The following NUDT16L1 variants were observed in gnomAD, a reference collection of about 807,000 sequenced individuals.
The protein encoded by NUDT16L1 is nudix hydrolase 16 like 1.
NUDT16L1 carries 19 observed loss-of-function variants against 17.3 expected under a neutral mutation model. That is an observed-to-expected ratio of 1.10 (90% CI 0.77 to 1.61). NUDT16L1 has a LOEUF of 1.61. NUDT16L1 is among the 40% of genes most tolerant of loss of function. The pLI, the probability that NUDT16L1 is intolerant of heterozygous loss-of-function variation, is 0.00. For synonymous variants in NUDT16L1, 255 were observed against 138.6 expected (o/e 1.84, Z -5.90); for missense variants, 341 against 292.0 (o/e 1.17, Z -1.22).
Position 4,694,177 on chromosome 16 carries a change from C to T in NUDT16L1, c.353C>T (p.Thr118Met). The T allele has an allele frequency of 1.3e-6, 2 of 1,579,160 alleles. No homozygotes were observed. The highest frequency in any genetic ancestry group is 1.7e-6 in the Non-Finnish European group (2 of 1,171,648). The change falls in exon 2 of 3, where the codon ACG becomes ATG. Residue 118 changes from threonine (T) to methionine (M), a missense_variant. By Grantham distance (81) the Thr-to-Met change is moderately conservative. Coordinates refer to ENST00000304301, the Ensembl canonical transcript of NUDT16L1. ...GCGCACCTGTACGCGCGGCAGCTGA[C>T]GCTGGAGCAGCTGCACGCCGTGGAG...
At chr16:4,695,087 A>C in exon 3 of NUDT16L1, 1 of 1,613,630 alleles carries the variant, frequency 6.2e-7, no homozygotes, top group Non-Finnish European at 8.5e-7. Flanking sequence ...GGTGCTCAAC[A>C]TGATGCCCGA....
chr16:4,694,870 C>T (rs768291511), intron 2 of NUDT16L1, 88 bp from the exon 3 acceptor site: 46 of 1,508,940 alleles, frequency 3.0e-5, no homozygotes, highest in African/African-American at 4.2e-5. Context: ...GCTGCTCATA[C>T]CCTGGCCTCA....
At chr16:4,693,852 C>T (rs1424115883) in exon 1 of NUDT16L1, 1 of 1,558,032 alleles carries the variant, frequency 6.4e-7, no homozygotes, top group South Asian at 1.2e-5. Flanking sequence ...AGCTCTTCGG[C>T]CGCATCCCCA....
exon 3 of NUDT16L1, chr16:4,695,570 G>A (rs925611172): frequency 1.3e-5 from 6 of 452,460 alleles, no homozygotes; most frequent in African/African-American, 7.9e-5. Context: ...AGGATGCCTT[G>A]TCTCGGTCAG....
At chr16:4,694,262 C>T in intron 2 of NUDT16L1, 24 bp downstream of exon 2, 1 of 1,457,864 alleles carries the variant, frequency 6.9e-7, no homozygotes, top group Non-Finnish European at 9.0e-7. Context: ...CCGGGCCCCG[C>T]CCCCCGCCCC....
chr16:4,694,263 C>A (rs1209968681), intron 2 of NUDT16L1, 25 bp downstream of exon 2: 9 of 1,458,846 alleles, frequency 6.2e-6, no homozygotes, highest in African/African-American at 2.9e-5. Flanking sequence ...CGGGCCCCGC[C>A]CCCCGCCCCG....
In NUDT16L1 at chr16:4,695,023, C is replaced by T. The variant is rs143151090; in HGVS notation, c.480C>T (p.Phe160=). ...ACCGAGTCGGAGGCTTCCCCAACTT[C>T]CTGAGCAACGCCTTCGTGAGCACGG... The change falls in exon 3 of 3, where the codon TTC becomes TTT. Residue 160 remains phenylalanine (F), a synonymous_variant. Coordinates refer to ENST00000304301, the Ensembl canonical transcript of NUDT16L1. The T allele has an allele frequency of 1.0e-4, 161 of 1,613,160 alleles. No homozygotes were observed. The highest frequency in any genetic ancestry group is 1.3e-4 in the Non-Finnish European group (152 of 1,180,030).
chr16:4,694,453 G>GA, intron 2 of NUDT16L1: 1 of 1,525,372 alleles, frequency 6.6e-7, no homozygotes. Context: ...CCTCAGGGCT[G>GA]TGTTACATCC....
At chr16:4,693,631 C>T, upstream of NUDT16L1, 2 of 1,295,058 alleles carry the variant, frequency 1.5e-6, no homozygotes, top group Non-Finnish European at 2.0e-6. Context: ...GGAACCGGAC[C>T]CGGGGGCGCG....
rs756928802 is a variant in NUDT16L1, at chr16:4,694,966, C to T, written c.423C>T (p.Gly141=). The change falls in exon 3 of 3, where the codon GGC becomes GGT. Residue 141 remains glycine (G), a synonymous_variant. Transcript: ENST00000304301. The stretch of plus-strand genomic sequence containing the variant: ...ACCTCCTGTCTGCGCAGGTGCTGGG[C>T]CTCGTGCGGGTCCCGCTGTACACCC... 4 of 1,608,738 alleles carry T rather than the reference C, an allele frequency of 2.5e-6. No individual in the cohort carries two copies. The South Asian group carries it at 3.3e-5, about 13-fold the overall frequency.
At chr16:4,694,547 CT>C in intron 2 of NUDT16L1, 2 of 1,454,684 alleles carry the variant, frequency 1.4e-6, no homozygotes, top group Non-Finnish European at 1.8e-6. Flanking sequence ...GCGGGGATTG[CT>C]TGGGGAGTTG....
At chr16:4,693,569 C>T (rs964726875), upstream of NUDT16L1, 4 of 794,288 alleles carry the variant, frequency 5.0e-6, no homozygotes, top group African/African-American at 5.5e-5. Flanking sequence ...CTCGACGACG[C>T]ACCGCGGCGC....
rs1246684356 is a variant in NUDT16L1 at position 4,694,476 on chromosome 16, G to A, written c.414+238G>A. On this transcript the variant is annotated intron_variant, in intron 2 of 2. Transcript: ENST00000304301. ...CTGTGTTACATCCGCCTTGCTGCCT[G>A]CCATTGCCAATCCTGGGAGTGGGGG... 9 of 1,523,868 alleles carry A rather than the reference G, an allele frequency of 5.9e-6. No individual in the cohort carries two copies. The East Asian group carries it at 1.5e-4, about 25-fold the overall frequency. The allele number at this position is 1,523,868 out of a possible 1,614,324, so 94.4% of individuals were successfully genotyped here.
At chr16:4,694,597 C>A in intron 2 of NUDT16L1, 1 of 1,432,592 alleles carries the variant, frequency 7.0e-7, no homozygotes, top group African/African-American at 1.4e-5. Flanking sequence ...AACTTGGGAA[C>A]CTCATGTTGG....
At chr16:4,695,227 A>G in exon 3 of NUDT16L1, 1 of 1,578,674 alleles carries the variant, frequency 6.3e-7, no homozygotes, top group Non-Finnish European at 8.7e-7. Flanking sequence ...AAGACTGGGA[A>G]TTCCTGCTAA....
rs770709284 is a variant in NUDT16L1 at position 4,693,922 on chromosome 16, G to C, written c.153+43G>C. Reference sequence around the variant, plus strand: ...CGCGGGCGAGGGTGCCGGCGCGGGCGGGCCCGGGCGGGGGCGTCCGTCGAC... The same window carrying C: ...CGCGGGCGAGGGTGCCGGCGCGGGCCGGCCCGGGCGGGGGCGTCCGTCGAC... On this transcript the variant is annotated intron_variant, in intron 1 of 2. Transcript: ENST00000304301. 13 of 1,492,284 alleles carry C rather than the reference G, an allele frequency of 8.7e-6. No homozygotes were observed. In the East Asian group the frequency reaches 3.5e-4, roughly 41 times the overall value. 92.4% of individuals were successfully genotyped at this position (1,492,284 alleles called of 1,614,324 possible).
exon 3 of NUDT16L1, chr16:4,695,047 G>A (rs755900419): frequency 4.3e-6 from 7 of 1,613,328 alleles, no homozygotes; most frequent in East Asian, 2.2e-5. Context: ...TCGTGAGCAC[G>A]GCTAAGTGCC....
rs149326550 is a variant in NUDT16L1, at chr16:4,695,231, C to T, written c.*52C>T. 6.8e-4 allele frequency: 1,075 copies of T among 1,572,186 alleles called. 18 individuals carry two copies. The Admixed American group carries it at 0.013, about 20-fold the overall frequency. ...CCCTGGGCCGGAAGACTGGGAATTC[C>T]TGCTAAGTGTGGCTTCTAGAGTGTT... On this transcript the variant is annotated 3_prime_UTR_variant, in exon 3 of 3. Coordinates refer to ENST00000304301, the Ensembl canonical transcript of NUDT16L1.
At chr16:4,693,622 G>A (rs571900522), upstream of NUDT16L1, 2 of 1,259,878 alleles carry the variant, frequency 1.6e-6, no homozygotes, top group Admixed American at 4.3e-5. Flanking sequence ...ATTGGCGGGG[G>A]AACCGGACCC....
Sources: gnomAD v4.1 joint callset for allele counts on GRCh38, gnomAD v4.1.1 for gene constraint, MANE v1.5 for transcripts, NCBI Gene and HGNC (gene_info 2026-07-23, HGNC 2026-07-21) for gene names.